The following DTWD1 variants were observed in gnomAD, a reference collection of about 807,000 sequenced individuals.
The protein encoded by DTWD1 is tRNA-uridine aminocarboxypropyltransferase 1.
In DTWD1, 27 loss-of-function variants were observed where a neutral mutation model predicts 30.2. The ratio of observed to expected loss-of-function variants is 0.90; its 90% CI spans 0.66 to 1.23. DTWD1 has a LOEUF of 1.23. Ranked by LOEUF, DTWD1 falls within the 50% of genes most tolerant of loss-of-function variation. DTWD1 has a pLI of 0.00. For synonymous variants in DTWD1, 99 were observed against 113.1 expected, an observed-to-expected ratio of 0.88 and a Z score of 0.79; for missense variants, 342 against 348.8, an observed-to-expected ratio of 0.98 and a Z score of 0.15.
intron 2 of DTWD1, among the ~76,000 whole-genome samples, chr15:49,628,159 G>A (rs1021958055): frequency 6.6e-5 from 10 of 152,054 alleles, no homozygotes; most frequent in African/African-American, 2.4e-4. Flanking sequence ...AGGATCATCA[G>A]TATCACTGTC....
rs1226736454 is a variant in DTWD1 at position 49,646,451 on chromosome 15, C to G, written c.*2873C>G. The G allele has an allele frequency of 2.6e-5, 4 of 152,068 alleles. No individual in the cohort carries two copies. Among genetic ancestry groups the G allele is most frequent in the Non-Finnish European group, 2.9e-5 (2 of 68,028 alleles). 9.4% of individuals were successfully genotyped at this position (152,068 alleles called of 1,614,324 possible). On this transcript the variant is annotated 3_prime_UTR_variant, in exon 5 of 5. Transcript: ENST00000403028. ...GATTACCAGCAGGTTTGTATGATTC[C>G]TCTGCTTGAGATCAATTAGCCATAT...
intron 2 of DTWD1, among the ~76,000 whole-genome samples, chr15:49,631,311 T>A (rs147202093): frequency 6.6e-6 from 1 of 152,274 alleles, no homozygotes; most frequent in East Asian, 1.9e-4. Flanking sequence ...ATTTTTTAAT[T>A]GATAATTATT....
At chr15:49,634,261 G>A (rs1598655705) in intron 3 of DTWD1, among the ~76,000 whole-genome samples, 1 of 152,130 alleles carries the variant, frequency 6.6e-6, no homozygotes, top group Non-Finnish European at 1.5e-5. Context: ...ATATAATTTA[G>A]TCTTTTTATT....
chr15:49,645,288 A>G lies in DTWD1; in HGVS notation c.*1710A>G, dbSNP rs753310538. The G allele has an allele frequency of 1.3e-5, 2 of 152,150 alleles. No individual in the cohort carries two copies. The highest frequency in any genetic ancestry group is 2.4e-5 in the African/African-American group (1 of 41,434). The allele number at this position is 152,150 out of a possible 1,614,324, so 9.4% of individuals were successfully genotyped here. On this transcript the variant is annotated 3_prime_UTR_variant, in exon 5 of 5. Transcript: ENST00000403028. The stretch of plus-strand genomic sequence containing the variant: ...AAAGAGGTAAGTAAATTATTGATAG[A>G]TCATACACCTAGTTAGTAGCAGAGC...
At chr15:49,633,238 A>G (rs925821102) in intron 3 of DTWD1, among the ~76,000 whole-genome samples, 5 of 151,942 alleles carry the variant, frequency 3.3e-5, no homozygotes, top group African/African-American at 9.7e-5. Flanking sequence ...ATAATTTAAG[A>G]AAATTCAGAA....
At position 49,633,279 on chromosome 15, in the gene DTWD1, G is replaced by A. The variant is rs538004722; in HGVS notation, c.408+977G>A. Among the ~76,000 whole-genome samples, 3 of 151,898 alleles carry A rather than the reference G, an allele frequency of 2.0e-5. No individual in the cohort carries two copies. The South Asian group carries it at 6.2e-4, about 32-fold the overall frequency. ...GGACTTTGCTAACTGGATATAGGGG[G>A]AAATATAGACATGTATTATGAATAT... On this transcript the variant is annotated intron_variant, in intron 3 of 4. Transcript: ENST00000403028.
At position 49,644,794 on chromosome 15, in the gene DTWD1, C is replaced by T. The variant is rs1344140701; in HGVS notation, c.*1216C>T. 6.6e-6 allele frequency: 1 copy of T among 152,156 alleles called. No homozygotes were observed. Among genetic ancestry groups the T allele is most frequent in the Non-Finnish European group, 1.5e-5 (1 of 68,032 alleles). The allele number at this position is 152,156 out of a possible 1,614,324, so 9.4% of individuals were successfully genotyped here. A position where few individuals can be genotyped will look rare whatever the true frequency, so the allele number is the denominator to read the frequency against. Reference sequence around the variant, plus strand: ...TTCACTTAGGGTTGGTAATAGCTTACAGTTATTACTAGCCCCAGTATAGTT... The same window carrying T: ...TTCACTTAGGGTTGGTAATAGCTTATAGTTATTACTAGCCCCAGTATAGTT... On this transcript the variant is annotated 3_prime_UTR_variant, in exon 5 of 5. Transcript: ENST00000403028.
rs1324948600 is a variant in DTWD1 at position 49,646,650 on chromosome 15, A to G, written c.*3072A>G. 1.3e-5 allele frequency: 2 copies of G among 152,192 alleles called. No individual in the cohort carries two copies. Among genetic ancestry groups the G allele is most frequent in the Non-Finnish European group, 2.9e-5 (2 of 68,060 alleles). The allele number at this position is 152,192 out of a possible 1,614,324, so 9.4% of individuals were successfully genotyped here. On this transcript the variant is annotated 3_prime_UTR_variant, in exon 5 of 5. Coordinates refer to ENST00000403028, the MANE Select transcript of DTWD1 (RefSeq NM_001144955.2). ...GGGTAAATTGCTCTTCTTCTGATGG[A>G]CTGTATAGAGACACTGTTTTTCATC... is the stretch of plus-strand genomic sequence containing the variant.
intron 3 of DTWD1, among the ~76,000 whole-genome samples, chr15:49,634,251 A>T (rs1027870817): frequency 1.3e-5 from 2 of 152,150 alleles, no homozygotes; most frequent in African/African-American, 4.8e-5. Flanking sequence ...ATGAAAAATT[A>T]TATAATTTAG....
chr15:49,625,463 G>A, intron 2 of DTWD1, 32 bp downstream of exon 2: 1 of 1,574,396 alleles, frequency 6.4e-7, no homozygotes, highest in Non-Finnish European at 8.6e-7. Flanking sequence ...TTGAAAGTAT[G>A]AAAATAGATT....
rs747543824 is a variant in DTWD1, at chr15:49,643,414, A to T, written c.751A>T (p.Ile251Phe). The T allele has an allele frequency of 2.5e-6, 4 of 1,603,742 alleles. No homozygotes were observed. The African/African-American group carries it at 5.4e-5, about 22-fold the overall frequency. Residue 251 changes from isoleucine (I) to phenylalanine (F), a missense_variant, in exon 5 of 5, where the codon ATT becomes TTT. Physicochemically the swap from Ile to Phe is conservative, Grantham distance 21. Coordinates refer to ENST00000403028, the MANE Select transcript of DTWD1 (RefSeq NM_001144955.2). ...AAAGCCAGATACTTTCCTTTCTACA[A>T]TTGAAGCCATTTACTACTTTCTGGT... ...KGKPDTFLST[I>F]EAIYYFLVDY...
intron 4 of DTWD1, among the ~76,000 whole-genome samples, chr15:49,639,722 T>G (rs1324699434): frequency 6.6e-6 from 1 of 152,172 alleles, no homozygotes; most frequent in Non-Finnish European, 1.5e-5. Flanking sequence ...CTGGAGAAAT[T>G]CAAATTATGA....
chr15:49,651,769 A>C lies in DTWD1; in HGVS notation c.*8191A>C, dbSNP rs994222339. The C allele has an allele frequency of 6.6e-6, 1 of 152,114 alleles. No homozygotes were observed. The highest frequency in any genetic ancestry group is 2.4e-5 in the African/African-American group (1 of 41,442). The allele number at this position is 152,114 out of a possible 1,614,324, so 9.4% of individuals were successfully genotyped here. A position where few individuals can be genotyped will look rare whatever the true frequency, so the allele number is the denominator to read the frequency against. ...TTTACTTAGTATTGTATTGACCAGCATGCGATCTCACATTATATCATATCA... is the reference window on the plus strand; with the variant it reads ...TTTACTTAGTATTGTATTGACCAGCCTGCGATCTCACATTATATCATATCA... On this transcript the variant is annotated 3_prime_UTR_variant, in exon 5 of 5. Coordinates refer to ENST00000403028, the MANE Select transcript of DTWD1 (RefSeq NM_001144955.2).
chr15:49,622,776 A>G lies in DTWD1; in HGVS notation c.-56+1654A>G, dbSNP rs1356891255. Among the ~76,000 whole-genome samples, 4 of 152,168 alleles carry G rather than the reference A, an allele frequency of 2.6e-5. No individual in the cohort carries two copies. The South Asian group carries it at 8.3e-4, about 32-fold the overall frequency. ...CAGAGACCACTGGAGGGAGCTGCCC[A>G]TGATTTACAATTGCTGGCCTCTTCT... On this transcript the variant is annotated intron_variant, in intron 1 of 4. Coordinates refer to ENST00000403028, the MANE Select transcript of DTWD1 (RefSeq NM_001144955.2).
chr15:49,638,220 T>G (rs1777048345), intron 4 of DTWD1, among the ~76,000 whole-genome samples: 1 of 152,224 alleles, frequency 6.6e-6, no homozygotes, highest in Non-Finnish European at 1.5e-5. Flanking sequence ...GACAAAACTA[T>G]AAAAGGAATT....
At chr15:49,623,513 CT>C (rs1237671458) in intron 1 of DTWD1, among the ~76,000 whole-genome samples, 1 of 152,014 alleles carries the variant, frequency 6.6e-6, no homozygotes, top group Non-Finnish European at 1.5e-5. Flanking sequence ...ATCCTCCCAC[CT>C]TAACCTCCCA....
At position 49,655,504 on chromosome 15, in the gene DTWD1, T is replaced by C. The variant is rs2079172931; in HGVS notation, c.*11926T>C. 1 of 151,994 alleles carries C rather than the reference T, an allele frequency of 6.6e-6. No homozygotes were observed. 9.4% of individuals were successfully genotyped at this position (151,994 alleles called of 1,614,324 possible). A position where few individuals can be genotyped will look rare whatever the true frequency, so the allele number is the denominator to read the frequency against. On this transcript the variant is annotated 3_prime_UTR_variant, in exon 5 of 5. Transcript: ENST00000403028. The stretch of plus-strand genomic sequence containing the variant: ...CAATGCAATTTTCTTTAAAACTCTG[T>C]GAGCCTTTATATCAGATTAGTCCAC...
chr15:49,625,183 C>A lies in DTWD1; in HGVS notation c.16C>A (p.Pro6Thr). MSLNP[P>T]IFLKRSEENS... is the part of the protein sequence containing the mutation. ...TGAATGAAGAATGTCTCTCAATCCA[C>A]CTATATTTCTCAAACGAAGTGAAGA... The change falls in exon 2 of 5, where the codon CCT becomes ACT. Residue 6 changes from proline to threonine, a missense_variant. By Grantham distance (38) the Pro-to-Thr change is conservative. Coordinates refer to ENST00000403028, the MANE Select transcript of DTWD1 (RefSeq NM_001144955.2). 6.2e-7 allele frequency: 1 copy of A among 1,613,092 alleles called. No homozygotes were observed. Among genetic ancestry groups the A allele is most frequent in the Non-Finnish European group, 8.5e-7 (1 of 1,179,488 alleles).
chr15:49,633,055 A>ATATATATATATATC (rs1555588642), intron 3 of DTWD1, among the ~76,000 whole-genome samples: 5 of 139,718 alleles, frequency 3.6e-5, no homozygotes, highest in African/African-American at 5.6e-5. Context: ...ATATCTATAT[A>ATATATATATATATC]TATATATATA....
Sources: gnomAD v4.1 joint callset for allele counts (sites outside exome capture counted in the v4.1 genomes callset) on GRCh38, gnomAD v4.1.1 for gene constraint, MANE v1.5 for transcripts, NCBI Gene and HGNC (gene_info 2026-07-23, HGNC 2026-07-21) for gene names.